IL1RAPL1: variants seen among roughly 807,000 people sequenced by gnomAD.
The protein encoded by IL1RAPL1 is interleukin 1 receptor accessory protein like 1, also known as interleukin-1 receptor accessory protein-like 1.
In IL1RAPL1, 3 loss-of-function variants were observed where a neutral mutation model predicts 48.4. The ratio of observed to expected loss-of-function variants is 0.06; its 90% confidence interval spans 0.03 to 0.16. IL1RAPL1 has a LOEUF of 0.16. IL1RAPL1 is among the 10% of genes least tolerant of loss of function. The pLI is 1.00. For missense variants in IL1RAPL1, 349 were observed against 530.6 expected (o/e 0.66, Z 3.36); for synonymous variants, 185 against 187.7 (o/e 0.99, Z 0.12).
At chrX:28,642,677 A>G (rs1037943449) in intron 1 of IL1RAPL1, among the ~76,000 whole-genome samples, 2 of 111,952 alleles carry the variant, frequency 1.8e-5, no homozygotes, top group African/African-American at 6.5e-5. Context: ...AGGGAAATTT[A>G]TAGCACTAAA....
chrX:29,444,751 G>A (rs141697639), intron 5 of IL1RAPL1, among the ~76,000 whole-genome samples: 1,808 of 111,658 alleles, frequency 0.016, 27 homozygotes, highest in African/African-American at 0.055. Context: ...CGAGAGTCAC[G>A]AAACAGGTTG....
At chrX:29,625,715 C>G (rs1924599047) in intron 5 of IL1RAPL1, among the ~76,000 whole-genome samples, 1 of 111,790 alleles carries the variant, frequency 8.9e-6, no homozygotes, top group Non-Finnish European at 1.9e-5. Flanking sequence ...AAAATGTCTT[C>G]TAAAATCAAT....
intron 6 of IL1RAPL1, among the ~76,000 whole-genome samples, chrX:29,742,852 G>A (rs750572206): frequency 1.2e-4 from 13 of 110,949 alleles, no homozygotes; most frequent in Admixed American, 5.8e-4. Flanking sequence ...CCGTCTTTCC[G>A]GATTTGACAG....
intron 5 of IL1RAPL1, among the ~76,000 whole-genome samples, chrX:29,508,470 A>G (rs1050990536): frequency 3.6e-5 from 4 of 112,260 alleles, no homozygotes; most frequent in African/African-American, 1.3e-4. Context: ...TATATTTGAC[A>G]ACTATATAAA....
intron 3 of IL1RAPL1, among the ~76,000 whole-genome samples, chrX:29,325,191 C>T (rs1015040523): frequency 8.9e-6 from 1 of 112,117 alleles, no homozygotes; most frequent in Non-Finnish European, 1.9e-5. Context: ...AATCATCCAG[C>T]TGATCCTAGG....
At chrX:29,711,095 T>C (rs199548704) in intron 6 of IL1RAPL1, among the ~76,000 whole-genome samples, 2 of 25,843 alleles carry the variant, frequency 7.7e-5, no homozygotes, top group Non-Finnish European at 1.6e-4. Context: ...CACACAGATA[T>C]ATATTTTCCC....
At chrX:29,058,733 A>G (rs1246836775) in intron 2 of IL1RAPL1, among the ~76,000 whole-genome samples, 1 of 111,442 alleles carries the variant, frequency 9.0e-6, no homozygotes, top group Non-Finnish European at 1.9e-5. Context: ...TTTGATTAGG[A>G]TCTCACTCCA....
chrX:29,782,230 A>T lies in IL1RAPL1; in HGVS notation c.778+113726A>T, dbSNP rs1326708753. ...AAATCATGGTGTAAGTTACACTTTTAAAAAATGGACCAATTTACCATTGTA... is the reference window on the plus strand; with the variant it reads ...AAATCATGGTGTAAGTTACACTTTTTAAAAATGGACCAATTTACCATTGTA... On this transcript the variant is annotated intron_variant, in intron 6 of 10. Coordinates refer to ENST00000378993, the MANE Select transcript of IL1RAPL1 (RefSeq NM_014271.4). 4.5e-5 allele frequency among the ~76,000 whole-genome samples: 5 copies of T among 110,985 alleles called. No individual in the cohort carries two copies. In the East Asian group the frequency reaches 1.1e-3, roughly 25 times the overall value.
chrX:29,292,979 C>T (rs1007845706), intron 3 of IL1RAPL1, among the ~76,000 whole-genome samples: 1 of 111,398 alleles, frequency 9.0e-6, no homozygotes. Context: ...GTAGAGACAT[C>T]TTTCTTGCCA....
At position 28,861,602 on chromosome X, in the gene IL1RAPL1, A is replaced by T. The variant is rs111344890; in HGVS notation, c.82+72177A>T. On this transcript the variant is annotated intron_variant, in intron 2 of 10. Coordinates refer to ENST00000378993, the MANE Select transcript of IL1RAPL1 (RefSeq NM_014271.4). Reference sequence around the variant, plus strand: ...CTCTAAAATGAAATTGCTGGAGGCTACATAAGAAATAGAAAAAACCTAGAA... The same window carrying T: ...CTCTAAAATGAAATTGCTGGAGGCTTCATAAGAAATAGAAAAAACCTAGAA... Among the ~76,000 whole-genome samples the T allele has an allele frequency of 1.5e-3, 167 of 111,793 alleles. 1 individual carries two copies. The highest frequency in any genetic ancestry group is 9.1e-3 in the Middle Eastern group (2 of 219).
intron 6 of IL1RAPL1, among the ~76,000 whole-genome samples, chrX:29,815,223 T>A (rs2147180030): frequency 9.0e-6 from 1 of 111,564 alleles, no homozygotes; most frequent in East Asian, 2.8e-4. Flanking sequence ...CATGAAATGT[T>A]TTTCCATGTG....
At chrX:28,704,831 C>CA (rs1179973377) in intron 1 of IL1RAPL1, among the ~76,000 whole-genome samples, 1,259 of 29,664 alleles carry the variant, frequency 0.042, 78 homozygotes, top group South Asian at 0.065. Flanking sequence ...CACACACACA[C>CA]AAAAAAAAAA....
intron 5 of IL1RAPL1, among the ~76,000 whole-genome samples, chrX:29,408,959 A>G (rs1342412767): frequency 8.9e-6 from 1 of 112,359 alleles, no homozygotes; most frequent in East Asian, 2.8e-4. Context: ...ACGGAAACAC[A>G]TTTAACTGAG....
chrX:29,406,231 T>C (rs1301718006), intron 5 of IL1RAPL1, among the ~76,000 whole-genome samples: 2 of 110,468 alleles, frequency 1.8e-5, no homozygotes, highest in Non-Finnish European at 3.8e-5. Flanking sequence ...CTACTAAAAA[T>C]ACAAAAAATT....
At chrX:29,738,061 CT>C (rs1928095320) in intron 6 of IL1RAPL1, among the ~76,000 whole-genome samples, 1 of 111,989 alleles carries the variant, frequency 8.9e-6, no homozygotes, top group African/African-American at 3.2e-5. Context: ...ATTTTCTGTT[CT>C]TTTTTAGCCT....
At chrX:29,479,573 CA>C (rs200815775) in intron 5 of IL1RAPL1, among the ~76,000 whole-genome samples, 1,276 of 108,696 alleles carry the variant, frequency 0.012, 30 homozygotes, top group African/African-American at 0.041. Flanking sequence ...TTTTTGGTTA[CA>C]AGGATTAGTT....
intron 6 of IL1RAPL1, among the ~76,000 whole-genome samples, chrX:29,818,754 C>G (rs1444496215): frequency 8.9e-6 from 1 of 112,146 alleles, no homozygotes; most frequent in Non-Finnish European, 1.9e-5. Flanking sequence ...GCAATGCTAT[C>G]AAATATAGAG....
At chrX:29,920,702 G>A (rs1408826038) in intron 8 of IL1RAPL1, among the ~76,000 whole-genome samples, 1 of 105,223 alleles carries the variant, frequency 9.5e-6, no homozygotes, top group Non-Finnish European at 1.9e-5. Flanking sequence ...GGCTGAGGCA[G>A]GAGAATCACT....
At chrX:29,885,711 C>T (rs898491028) in intron 6 of IL1RAPL1, among the ~76,000 whole-genome samples, 1 of 111,222 alleles carries the variant, frequency 9.0e-6, no homozygotes, top group Non-Finnish European at 1.9e-5. Context: ...CCGAGCTACT[C>T]GGGAAGCTGA....
Sources: allele counts gnomAD v4.1 joint callset (sites outside exome capture counted in the v4.1 genomes callset), GRCh38; gene constraint gnomAD v4.1.1; transcripts MANE v1.5; gene names NCBI Gene and HGNC (gene_info 2026-07-23, HGNC 2026-07-21).